TENM3: variants seen among roughly 807,000 people sequenced by gnomAD.
The protein encoded by TENM3 is teneurin transmembrane protein 3, also known as teneurin-3.
A neutral mutation model predicts 255.1 loss-of-function variants in TENM3; 63 were observed. The observed-to-expected ratio is 0.25, with a 90% CI of 0.20 to 0.30. The LOEUF (loss-of-function observed/expected upper bound fraction) is 0.30. Among genes scored for constraint, TENM3 ranks in the 10% least tolerant of loss-of-function variants. The pLI is 1.00. For missense variants in TENM3, 2,929 were observed against 3,461.1 expected, an observed-to-expected ratio of 0.85 and a Z score of 3.86; for synonymous variants, 1,306 against 1,322.3, an observed-to-expected ratio of 0.99 and a Z score of 0.27.
the TENM3 span, among the ~76,000 whole-genome samples, chr4:181,972,280 A>G: frequency 4.9e-4 from 75 of 151,794 alleles, 1 homozygote; most frequent in Non-Finnish European, 7.7e-4. Flanking sequence ...TTAGCCAGGC[A>G]TGGTGGTGCA....
intron 3 of TENM3, among the ~76,000 whole-genome samples, chr4:182,397,397 C>CAAAAAAAAA (rs1768905375): frequency 5.6e-5 from 1 of 17,776 alleles, no homozygotes; most frequent in East Asian, 2.3e-3. Flanking sequence ...GAGACTCCAT[C>CAAAAAAAAA]TAAAAAAAAA....
the TENM3 span, among the ~76,000 whole-genome samples, chr4:181,641,554 G>GTATGTATA: frequency 1.1e-4 from 3 of 26,908 alleles, no homozygotes; most frequent in Non-Finnish European, 1.9e-4. Context: ...TGGTGTGTGT[G>GTATGTATA]TATATATATA....
chr4:182,324,161 G>A lies in TENM3; in HGVS notation c.141G>A (p.Leu47=). The A allele has an allele frequency of 6.2e-7, 1 of 1,614,046 alleles. No homozygotes were observed. Among genetic ancestry groups the A allele is most frequent in the Non-Finnish European group, 8.5e-7 (1 of 1,179,892 alleles). Residue 47 remains leucine (L), a synonymous_variant, in exon 2 of 28, where the codon TTG becomes TTA. Transcript: ENST00000511685. Reference sequence around the variant, plus strand: ...AGTCCTACAGTTCCAGCGAGACATTGAAAGCTTTTGATCATGATTCCTCGC... The same window carrying A: ...AGTCCTACAGTTCCAGCGAGACATTAAAAGCTTTTGATCATGATTCCTCGC... The part of the protein sequence containing the change: ...TQKSYSSSET[L]KAFDHDSSRL...
At chr4:182,407,071 G>T (rs564517201) in intron 3 of TENM3, among the ~76,000 whole-genome samples, 9 of 152,114 alleles carry the variant, frequency 5.9e-5, no homozygotes, top group African/African-American at 2.2e-4. Context: ...TCCATGGTTC[G>T]ACTGTAAAAT....
intron 3 of TENM3, among the ~76,000 whole-genome samples, chr4:182,489,722 T>C (rs1735096991): frequency 6.6e-6 from 1 of 152,050 alleles, no homozygotes; most frequent in South Asian, 2.1e-4. Context: ...AGCAAAACAT[T>C]GCCTATTTCT....
At chr4:181,685,471 G>A in the TENM3 span, among the ~76,000 whole-genome samples, 8 of 152,148 alleles carry the variant, frequency 5.3e-5, no homozygotes, top group East Asian at 1.4e-3. Flanking sequence ...CATTACATTT[G>A]TAATGTTTGG....
At chr4:182,658,019 C>G (rs1045222288) in intron 6 of TENM3, among the ~76,000 whole-genome samples, 2 of 152,094 alleles carry the variant, frequency 1.3e-5, no homozygotes, top group African/African-American at 2.4e-5. Flanking sequence ...TTCTGTTTAC[C>G]CCCTTACAGT....
At chr4:182,641,588 T>C (rs908082) in intron 5 of TENM3, among the ~76,000 whole-genome samples, 104,124 of 150,934 alleles carry the variant, frequency 0.69, 37,135 homozygotes, top group African/African-American at 0.86. Flanking sequence ...AGTGCAGTGG[T>C]ACCATCTCAG....
the TENM3 span, among the ~76,000 whole-genome samples, chr4:181,887,165 A>G: frequency 6.6e-6 from 1 of 152,162 alleles, no homozygotes; most frequent in African/African-American, 2.4e-5. Context: ...TAGAAAAAAA[A>G]ATGTCCTTTC....
intron 1 of TENM3, among the ~76,000 whole-genome samples, chr4:182,155,702 T>G (rs1394958513): frequency 6.6e-6 from 1 of 152,170 alleles, no homozygotes; most frequent in Non-Finnish European, 1.5e-5. Context: ...ATAATTTAAA[T>G]AAGACCTTCA....
chr4:182,015,508 C>T, the TENM3 span, among the ~76,000 whole-genome samples: 4 of 152,056 alleles, frequency 2.6e-5, no homozygotes, highest in South Asian at 6.2e-4. Flanking sequence ...CAAAAACCCC[C>T]GTCATTTCAT....
At chr4:181,576,808 T>C in the TENM3 span, among the ~76,000 whole-genome samples, 2 of 146,800 alleles carry the variant, frequency 1.4e-5, no homozygotes, top group Admixed American at 6.9e-5. Context: ...TTTTCTTTCT[T>C]TTCTTTTTTT....
At chr4:182,496,703 G>A (rs951342422) in intron 3 of TENM3, among the ~76,000 whole-genome samples, 4 of 152,088 alleles carry the variant, frequency 2.6e-5, no homozygotes, top group African/African-American at 7.2e-5. Context: ...AAATGTAAGC[G>A]TAACTACTTA....
the TENM3 span, among the ~76,000 whole-genome samples, chr4:181,608,915 C>A: frequency 6.6e-6 from 1 of 152,170 alleles, no homozygotes; most frequent in Non-Finnish European, 1.5e-5. Flanking sequence ...TAAAATGACA[C>A]ATCAACAAAG....
chr4:182,232,688 C>A (rs1350197904), intron 1 of TENM3, among the ~76,000 whole-genome samples: 1 of 151,732 alleles, frequency 6.6e-6, no homozygotes, highest in Non-Finnish European at 1.5e-5. Flanking sequence ...GAGTGAGAGT[C>A]CATCCAAAAA....
At chr4:181,786,657 G>A in the TENM3 span, among the ~76,000 whole-genome samples, 5 of 151,814 alleles carry the variant, frequency 3.3e-5, no homozygotes, top group Admixed American at 1.3e-4. Flanking sequence ...GTTATTTGAT[G>A]AGATCTCTAG....
the TENM3 span, among the ~76,000 whole-genome samples, chr4:181,979,926 G>T: frequency 1.3e-5 from 2 of 152,160 alleles, no homozygotes; most frequent in Non-Finnish European, 2.9e-5. Context: ...TGTAGCCAAG[G>T]CTCCGTGAGG....
the TENM3 span, among the ~76,000 whole-genome samples, chr4:181,986,168 A>C: frequency 3.3e-5 from 5 of 151,990 alleles, no homozygotes. Flanking sequence ...CCAGCCTCTT[A>C]TTTCAACTTC....
intron 3 of TENM3, among the ~76,000 whole-genome samples, chr4:182,365,080 T>C (rs978894005): frequency 1.3e-5 from 2 of 152,232 alleles, no homozygotes; most frequent in Non-Finnish European, 2.9e-5. Context: ...AGTGTTTCCA[T>C]GCTTTAAATT....
Sources: gnomAD v4.1 joint callset for allele counts (sites outside exome capture counted in the v4.1 genomes callset) on GRCh38, gnomAD v4.1.1 for gene constraint, MANE v1.5 for transcripts, NCBI Gene and HGNC (gene_info 2026-07-23, HGNC 2026-07-21) for gene names.